The following PPA2 variants were observed in gnomAD, a reference collection of about 807,000 sequenced individuals.
PPA2 encodes inorganic pyrophosphatase 2, mitochondrial.
Under a neutral mutation model 49.5 loss-of-function variants are expected in PPA2, and 48 were observed. The ratio of observed to expected loss-of-function variants is 0.97; its 90% CI spans 0.77 to 1.23. PPA2 has a LOEUF of 1.23. Ranked by LOEUF, PPA2 falls within the 50% of genes most tolerant of loss-of-function variation. The pLI is 0.00. For missense variants in PPA2, 429 were observed against 410.1 expected (o/e 1.05, Z -0.40); for synonymous variants, 131 against 139.9 (o/e 0.94, Z 0.45).
chr4:105,386,222 T>C (rs1202962542), intron 10 of PPA2, among the ~76,000 whole-genome samples: 1 of 152,014 alleles, frequency 6.6e-6, no homozygotes, highest in Non-Finnish European at 1.5e-5. Flanking sequence ...AATAGCCAGT[T>C]CCAATGTAGA....
At chr4:105,462,883 T>C (rs1488393863) in intron 1 of PPA2, among the ~76,000 whole-genome samples, 2 of 152,214 alleles carry the variant, frequency 1.3e-5, no homozygotes, top group East Asian at 1.9e-4. Flanking sequence ...CCTTCTGCCA[T>C]GATAGTGAGG....
chr4:105,472,196 A>C (rs1002540295), intron 1 of PPA2, among the ~76,000 whole-genome samples: 5 of 152,200 alleles, frequency 3.3e-5, no homozygotes, highest in Non-Finnish European at 5.9e-5. Flanking sequence ...GCTCTGTGAG[A>C]AAGAACTGAA....
chr4:105,448,166 T>C (rs554020245), intron 4 of PPA2: 4 of 326,240 alleles, frequency 1.2e-5, no homozygotes, highest in South Asian at 2.6e-5. Context: ...TAGATTCTCA[T>C]AGATCCTTGC....
Position 105,440,119 on chromosome 4 carries a change from A to C in PPA2, c.442-2083T>G, listed in dbSNP as rs1392293249. ...CATAATTTTGCTTATCCCTACTCCC[A>C]CTCCCAAGAGAACAAATGCGACAAG... On this transcript the variant is annotated intron_variant, in intron 5 of 11. Transcript: ENST00000341695. Among the ~76,000 whole-genome samples, 43 of 151,420 alleles carry C rather than the reference A, an allele frequency of 2.8e-4. 1 individual carries two copies. The highest frequency in any genetic ancestry group is 2.8e-3 in the Admixed American group (43 of 15,160).
chr4:105,405,923 T>A (rs1290733045), intron 7 of PPA2: 1 of 444,246 alleles, frequency 2.3e-6, no homozygotes, highest in Admixed American at 2.5e-5. Flanking sequence ...TGCGATTTAT[T>A]GTATATACTG....
chr4:105,392,201 C>T (rs1733950338), intron 9 of PPA2, among the ~76,000 whole-genome samples: 2 of 151,830 alleles, frequency 1.3e-5, no homozygotes, highest in Admixed American at 6.6e-5. Flanking sequence ...AAATTAAATT[C>T]TCTCTGTTAA....
chr4:105,388,772 C>T (rs990410829), intron 9 of PPA2, among the ~76,000 whole-genome samples: 1 of 143,980 alleles, frequency 6.9e-6, no homozygotes, highest in Non-Finnish European at 1.5e-5. Context: ...TTGCAGTGAG[C>T]CGAGATGGCG....
chr4:105,386,696 A>T, intron 9 of PPA2, 60 bp from the exon 10 acceptor site: 1 of 1,389,654 alleles, frequency 7.2e-7, no homozygotes, highest in Non-Finnish European at 1.0e-6. Context: ...TTACCAAAAA[A>T]ACCCCAAAAA....
intron 7 of PPA2, among the ~76,000 whole-genome samples, chr4:105,409,204 C>T (rs1422521409): frequency 6.6e-6 from 1 of 152,240 alleles, no homozygotes; most frequent in African/African-American, 2.4e-5. Flanking sequence ...CCCAAATATG[C>T]GCTTTTCCCA....
chr4:105,401,639 T>G (rs918432616), intron 7 of PPA2, among the ~76,000 whole-genome samples: 1 of 152,182 alleles, frequency 6.6e-6, no homozygotes, highest in Non-Finnish European at 1.5e-5. Context: ...TTCCCACTTG[T>G]GGAATTAATT....
intron 10 of PPA2, among the ~76,000 whole-genome samples, chr4:105,371,991 A>C (rs1396370253): frequency 1.3e-5 from 2 of 152,140 alleles, no homozygotes; most frequent in Admixed American, 1.3e-4. Context: ...CCACATATCT[A>C]GGCACCTTTT....
At chr4:105,399,293 T>C (rs973549050) in intron 7 of PPA2, 129 bp from the exon 8 acceptor site, 1 of 801,784 alleles carries the variant, frequency 1.2e-6, no homozygotes, top group Non-Finnish European at 1.9e-6. Context: ...TTGATTGTGA[T>C]ACCTAGAGCA....
intron 10 of PPA2, among the ~76,000 whole-genome samples, chr4:105,374,429 C>T (rs1489227965): frequency 6.6e-6 from 1 of 152,176 alleles, no homozygotes. Context: ...ATGCTATCTA[C>T]TCCTCTTCCT....
chr4:105,421,983 C>A (rs1374553873), intron 7 of PPA2, among the ~76,000 whole-genome samples: 3 of 152,002 alleles, frequency 2.0e-5, no homozygotes, highest in African/African-American at 7.3e-5. Flanking sequence ...GCGGTGGTTG[C>A]AGTGAGCTGA....
Position 105,369,231 on chromosome 4 carries a change from T to TC in PPA2, c.*493_*494insG, listed in dbSNP as rs1240402146. 1 of 151,606 alleles carries TC rather than the reference T, an allele frequency of 6.6e-6. No individual in the cohort carries two copies. The highest frequency in any genetic ancestry group is 1.5e-5 in the Non-Finnish European group (1 of 67,912). The allele number at this position is 151,606 out of a possible 1,614,324, so 9.4% of individuals were successfully genotyped here. Reference sequence around the variant, plus strand: ...GTGCTATGAAATGAAACAAAATCTTTTTTTTTTTTTTGAGACGGAGTCTCT... The same window carrying TC: ...GTGCTATGAAATGAAACAAAATCTTTCTTTTTTTTTTTGAGACGGAGTCTCT... On this transcript the variant is annotated 3_prime_UTR_variant, in exon 12 of 12. Coordinates refer to ENST00000341695, the MANE Select transcript of PPA2 (RefSeq NM_176869.3).
intron 8 of PPA2, among the ~76,000 whole-genome samples, chr4:105,397,576 C>T (rs955462135): frequency 7.2e-5 from 11 of 152,030 alleles, no homozygotes; most frequent in African/African-American, 2.4e-4. Context: ...GGGATTTGTC[C>T]TCTCAAATCT....
intron 10 of PPA2, among the ~76,000 whole-genome samples, chr4:105,380,118 T>C (rs72962270): frequency 0.033 from 5,025 of 152,288 alleles, 282 homozygotes; most frequent in African/African-American, 0.11. Flanking sequence ...AGTACAATGC[T>C]GAACAATAGT....
chr4:105,385,573 TTA>T (rs1733649043), intron 10 of PPA2, among the ~76,000 whole-genome samples: 1 of 152,176 alleles, frequency 6.6e-6, no homozygotes, highest in South Asian at 2.1e-4. Flanking sequence ...TTAAAAACCC[TTA>T]ATTTATAAAT....
intron 7 of PPA2, among the ~76,000 whole-genome samples, chr4:105,402,681 G>C (rs1220461292): frequency 6.6e-6 from 1 of 152,112 alleles, no homozygotes; most frequent in Non-Finnish European, 1.5e-5. Flanking sequence ...GATGGTTTTG[G>C]GCAGAGGAGT....
Sources: gnomAD v4.1 joint callset for allele counts (sites outside exome capture counted in the v4.1 genomes callset) on GRCh38, gnomAD v4.1.1 for gene constraint, MANE v1.5 for transcripts, NCBI Gene and HGNC (gene_info 2026-07-23, HGNC 2026-07-21) for gene names.